Variants in EFEMP1 observed in about 807,000 individuals in gnomAD.
EFEMP1 encodes the protein EGF-like fibulin extracellular matrix protein 1, also known as EGF-containing fibulin-like extracellular matrix protein 1.
In EFEMP1, 18 loss-of-function variants were observed where a neutral mutation model predicts 65.7. The observed-to-expected ratio is 0.27, with a 90% CI of 0.19 to 0.41. The LOEUF (loss-of-function observed/expected upper bound fraction) is 0.41. EFEMP1 is among the 10% of genes least tolerant of loss of function. The pLI is 1.00. For missense variants in EFEMP1, 469 were observed against 624.8 expected, an observed-to-expected ratio of 0.75 and a Z score of 2.66; for synonymous variants, 237 against 219.7, an observed-to-expected ratio of 1.08 and a Z score of -0.70.
chr2:55,877,665 A>G lies in EFEMP1; in HGVS notation c.760+81T>C. 1 of 1,597,822 alleles carries G rather than the reference A, an allele frequency of 6.3e-7. No homozygotes were observed. The highest frequency in any genetic ancestry group is 8.6e-7 in the Non-Finnish European group (1 of 1,167,440). On this transcript the variant is annotated intron_variant, in intron 7 of 11. Coordinates refer to ENST00000355426, the MANE Select transcript of EFEMP1 (RefSeq NM_001039348.3). This position sits in a 1 kb window ranked among gnomAD's most constrained non-coding sequence, Gnocchi z 4.5. ...CGATGGAAACTATTTACTCAAGAAC[A>G]TAGAAAACTGGAAATACTGCAACAT...
chr2:55,912,229 C>A (rs1220256505), intron 5 of EFEMP1, among the ~76,000 whole-genome samples: 2 of 152,038 alleles, frequency 1.3e-5, no homozygotes, highest in Admixed American at 1.3e-4. Flanking sequence ...GATCACAGGT[C>A]TTCACTGGGC....
intron 6 of EFEMP1, among the ~76,000 whole-genome samples, chr2:55,878,261 A>G (rs574045315): frequency 3.3e-5 from 5 of 152,208 alleles, no homozygotes; most frequent in African/African-American, 4.8e-5. Flanking sequence ...GCTGTGCTCA[A>G]CTGGTGACCT....
At chr2:55,910,248 A>G (rs1670432436) in intron 5 of EFEMP1, among the ~76,000 whole-genome samples, 1 of 152,188 alleles carries the variant, frequency 6.6e-6, no homozygotes, top group South Asian at 2.1e-4. Context: ...TAAACTACAA[A>G]CCTGCAATTC....
chr2:55,888,486 C>T (rs1260494511), intron 5 of EFEMP1, among the ~76,000 whole-genome samples: 1 of 151,840 alleles, frequency 6.6e-6, no homozygotes, highest in Non-Finnish European at 1.5e-5. Flanking sequence ...TACAGGCGCC[C>T]ACCACCATGC....
chr2:55,880,408 T>A (rs1669196303), intron 6 of EFEMP1, among the ~76,000 whole-genome samples: 2 of 152,250 alleles, frequency 1.3e-5, no homozygotes, highest in African/African-American at 2.4e-5. Flanking sequence ...TCCTGTCTAA[T>A]ACAATGGCCA....
rs1015634906 is a variant in EFEMP1, at chr2:55,923,265, C to G, written c.-48-326G>C. On this transcript the variant is annotated intron_variant, in intron 1 of 11. Coordinates refer to ENST00000355426, the MANE Select transcript of EFEMP1 (RefSeq NM_001039348.3). This position sits in a 1 kb window ranked among gnomAD's most constrained non-coding sequence, Gnocchi z 5.3. ...CCGGAACCAGGGATCGCACCGCAGC[C>G]CAAGGTACCAGTTTCGGGCGGGCGG... 6.6e-6 allele frequency among the ~76,000 whole-genome samples: 1 copy of G among 152,158 alleles called. No individual in the cohort carries two copies. The highest frequency in any genetic ancestry group is 6.5e-5 in the Admixed American group (1 of 15,278).
Position 55,870,608 on chromosome 2 carries a change from T to C in EFEMP1, c.1320+112A>G. 6.7e-6 allele frequency: 9 copies of C among 1,351,178 alleles called. No individual in the cohort carries two copies. The highest frequency in any genetic ancestry group is 8.4e-6 in the Non-Finnish European group (8 of 956,212). 83.7% of individuals were successfully genotyped at this position (1,351,178 alleles called of 1,614,324 possible). A position where few individuals can be genotyped will look rare whatever the true frequency, so the allele number is the denominator to read the frequency against. ...ACACAATGCCTACACATAAGACACT[T>C]TAAATGTTTGCTTTCCTTCCACATG... is the stretch of plus-strand genomic sequence containing the variant. On this transcript the variant is annotated intron_variant, in intron 11 of 11. Transcript: ENST00000355426. This position sits in a 1 kb window ranked among gnomAD's most constrained non-coding sequence, Gnocchi z 5.8.
chr2:55,887,510 C>G (rs904471016), intron 5 of EFEMP1, among the ~76,000 whole-genome samples: 11 of 152,100 alleles, frequency 7.2e-5, no homozygotes, highest in African/African-American at 2.7e-4. Context: ...TTTCATAGTA[C>G]TGGAATCAGA....
Position 55,875,333 on chromosome 2 carries a change from T to TAC in EFEMP1, c.881-269_881-268insGT, listed in dbSNP as rs1340819904. 2.1e-3 allele frequency among the ~76,000 whole-genome samples: 269 copies of TAC among 126,930 alleles called. 1 individual carries two copies. The highest frequency in any genetic ancestry group is 3.3e-3 in the Non-Finnish European group (195 of 59,556). The allele number at this position is 126,930 out of a possible 152,430, so 83.3% of individuals were successfully genotyped here. A position where few individuals can be genotyped will look rare whatever the true frequency, so the allele number is the denominator to read the frequency against. Reference sequence around the variant, plus strand: ...TTTCTTAAGTTGCCTGGGTTTCATATATACACACACACACACACACACACA... The same window carrying TAC: ...TTTCTTAAGTTGCCTGGGTTTCATATACATACACACACACACACACACACACA... On this transcript the variant is annotated intron_variant, in intron 8 of 11. Coordinates refer to ENST00000355426, the MANE Select transcript of EFEMP1 (RefSeq NM_001039348.3).
chr2:55,900,469 G>A (rs918432842), intron 5 of EFEMP1, among the ~76,000 whole-genome samples: 6 of 152,140 alleles, frequency 3.9e-5, no homozygotes, highest in Non-Finnish European at 7.3e-5. Context: ...AGAAACACCT[G>A]GAGAAATCTG....
At chr2:55,895,743 G>T (rs966005521) in intron 5 of EFEMP1, among the ~76,000 whole-genome samples, 17 of 151,496 alleles carry the variant, frequency 1.1e-4, no homozygotes, top group Non-Finnish European at 2.4e-4. Context: ...GGGTTTCACT[G>T]TGTTAGCCAG....
At chr2:55,868,819 T>C (rs1278242555) in intron 11 of EFEMP1, among the ~76,000 whole-genome samples, 1 of 152,188 alleles carries the variant, frequency 6.6e-6, no homozygotes, top group Admixed American at 6.5e-5. Context: ...GCTGAGCATG[T>C]AGTAGGTGCT....
rs551344902 is a variant in EFEMP1 at position 55,873,683 on chromosome 2, G to T, written c.1000+1263C>A. ...TAAAGTCTCTAGTAACCTGGAAAGG[G>T]TTATAAAGATGTTCATTGTGCAATG... On this transcript the variant is annotated intron_variant, in intron 9 of 11. Transcript: ENST00000355426. The surrounding 1 kb of genome is among the most constrained non-coding windows in gnomAD (Gnocchi z 4.6). Among the ~76,000 whole-genome samples, 47 of 152,152 alleles carry T rather than the reference G, an allele frequency of 3.1e-4. No homozygotes were observed. The highest frequency in any genetic ancestry group is 6.8e-3 in the Middle Eastern group (2 of 294).
At chr2:55,887,695 C>T (rs1157303698) in intron 5 of EFEMP1, among the ~76,000 whole-genome samples, 2 of 152,122 alleles carry the variant, frequency 1.3e-5, no homozygotes, top group African/African-American at 4.8e-5. Context: ...AGATTCTTAT[C>T]AGTTCTGGCA....
At position 55,922,330 on chromosome 2, in the gene EFEMP1, G is replaced by A. The variant is rs1311240991; in HGVS notation, c.81+30C>T. ...TTTTGTCACAGAATCCCGCTGAACC[G>A]TACTTATTTCAAATTCCATCACCCC... On this transcript the variant is annotated intron_variant, in intron 3 of 11. Coordinates refer to ENST00000355426, the MANE Select transcript of EFEMP1 (RefSeq NM_001039348.3). The surrounding 1 kb of genome is among the most constrained non-coding windows in gnomAD (Gnocchi z 5.5). 1 of 1,603,412 alleles carries A rather than the reference G, an allele frequency of 6.2e-7. No individual in the cohort carries two copies. Among genetic ancestry groups the A allele is most frequent in the Non-Finnish European group, 8.5e-7 (1 of 1,170,568 alleles).
chr2:55,870,956 A>G lies in EFEMP1; in HGVS notation c.1125-41T>C, dbSNP rs1411628582. On this transcript the variant is annotated intron_variant, in intron 10 of 11. Coordinates refer to ENST00000355426, the MANE Select transcript of EFEMP1 (RefSeq NM_001039348.3). The surrounding 1 kb of genome is among the most constrained non-coding windows in gnomAD (Gnocchi z 5.8). Reference sequence around the variant, plus strand: ...AAAGTATTCAGCAGTTTGGCTTGGTAAGACCAGAAAATCCTCACTTTCAAA... The same window carrying G: ...AAAGTATTCAGCAGTTTGGCTTGGTGAGACCAGAAAATCCTCACTTTCAAA... 6.2e-7 allele frequency: 1 copy of G among 1,613,618 alleles called. No individual in the cohort carries two copies.
intron 5 of EFEMP1, among the ~76,000 whole-genome samples, chr2:55,884,512 G>A (rs1245994314): frequency 6.6e-6 from 1 of 152,182 alleles, no homozygotes; most frequent in African/African-American, 2.4e-5. Context: ...GAGTGTTGAT[G>A]ACAGTCCACT....
chr2:55,875,025 A>G lies in EFEMP1; in HGVS notation c.921T>C (p.Tyr307=), dbSNP rs1454643011. Residue 307 remains tyrosine, a synonymous_variant, in exon 9 of 12, where the codon TAT becomes TAC. Coordinates refer to ENST00000355426, the MANE Select transcript of EFEMP1 (RefSeq NM_001039348.3). ...ATTTCCCAGGTTCATTGACACATTG[A>G]TATTGACACAGGTAGCTTGAGGTTC... ...ECRTSSYLCQ[Y]QCVNEPGKFS... 2 of 1,608,022 alleles carry G rather than the reference A, an allele frequency of 1.2e-6. No homozygotes were observed. The highest frequency in any genetic ancestry group is 3.4e-5 in the Admixed American group (2 of 59,670).
At chr2:55,899,104 C>T (rs1353748714) in intron 5 of EFEMP1, among the ~76,000 whole-genome samples, 3 of 152,182 alleles carry the variant, frequency 2.0e-5, no homozygotes, top group Non-Finnish European at 4.4e-5. Context: ...AACTGCATCA[C>T]ATCCATTCTC....
Sources: gnomAD v4.1 joint callset for allele counts (sites outside exome capture counted in the v4.1 genomes callset) on GRCh38, gnomAD v4.1.1 for gene constraint, Gnocchi (gnomAD v3.1) non-coding constraint, MANE v1.5 for transcripts, NCBI Gene and HGNC (gene_info 2026-07-23, HGNC 2026-07-21) for gene names.